STK39: variants seen among roughly 807,000 people sequenced by gnomAD.
STK39 encodes the protein STE20/SPS1-related proline-alanine-rich protein kinase.
STK39 carries 20 observed loss-of-function variants against 77.8 expected under a neutral mutation model. The ratio of observed to expected loss-of-function variants is 0.26; its 90% CI spans 0.18 to 0.37. The LOEUF (loss-of-function observed/expected upper bound fraction) is 0.37. STK39 is among the 10% of genes least tolerant of loss of function. The pLI is 1.00. For synonymous variants in STK39, 246 were observed against 234.1 expected, an observed-to-expected ratio of 1.05 and a Z score of -0.47; for missense variants, 479 against 656.5, an observed-to-expected ratio of 0.73 and a Z score of 2.95.
At chr2:167,965,188 CT>C (rs1692121007) in intron 16 of STK39, among the ~76,000 whole-genome samples, 1 of 152,116 alleles carries the variant, frequency 6.6e-6, no homozygotes, top group African/African-American at 2.4e-5. Context: ...ATTTGAACCC[CT>C]GTCCTATAAA....
intron 15 of STK39, among the ~76,000 whole-genome samples, chr2:168,015,634 A>G (rs557925034): frequency 1.3e-5 from 2 of 152,334 alleles, no homozygotes; most frequent in Admixed American, 1.3e-4. Context: ...CTTCTTTGTT[A>G]CCTCTTAAAA....
intron 5 of STK39, among the ~76,000 whole-genome samples, chr2:168,156,799 T>A (rs1475990716): frequency 6.6e-6 from 1 of 152,238 alleles, no homozygotes; most frequent in Non-Finnish European, 1.5e-5. Flanking sequence ...AAGGTGCTCA[T>A]AAATGTGATG....
chr2:168,008,866 T>C (rs923676057), intron 16 of STK39, among the ~76,000 whole-genome samples: 3 of 152,066 alleles, frequency 2.0e-5, no homozygotes, highest in Admixed American at 6.5e-5. Context: ...ATACTGCCAA[T>C]AGGTCAAGCA....
chr2:168,046,626 A>G (rs1168868293), intron 14 of STK39, among the ~76,000 whole-genome samples: 2 of 152,226 alleles, frequency 1.3e-5, no homozygotes, highest in African/African-American at 2.4e-5. Flanking sequence ...GAGTCCCACA[A>G]GGGTCACTAC....
intron 14 of STK39, among the ~76,000 whole-genome samples, chr2:168,030,615 T>C (rs1043025611): frequency 6.6e-6 from 1 of 152,136 alleles, no homozygotes; most frequent in Non-Finnish European, 1.5e-5. Context: ...AGGGTAGAAA[T>C]GTAAGCAGAA....
chr2:168,213,187 G>A lies in STK39; in HGVS notation c.209-31097C>T, dbSNP rs77439833. 5.2e-4 allele frequency among the ~76,000 whole-genome samples: 79 copies of A among 152,324 alleles called. No individual in the cohort carries two copies. The East Asian group carries it at 0.013, about 26-fold the overall frequency. On this transcript the variant is annotated intron_variant, in intron 1 of 17. Coordinates refer to ENST00000355999, the MANE Select transcript of STK39 (RefSeq NM_013233.3). The stretch of plus-strand genomic sequence containing the variant: ...AGGTAGATAGATGGATTAATCATAA[G>A]AACATAGCGCTGAATTTAGAAAGTG...
intron 16 of STK39, among the ~76,000 whole-genome samples, chr2:167,977,587 A>AC (rs1295457595): frequency 6.6e-6 from 1 of 152,110 alleles, no homozygotes; most frequent in African/African-American, 2.4e-5. Flanking sequence ...AAAAAAAAAA[A>AC]AACAAAGGGG....
chr2:168,234,651 C>A (rs188807394), intron 1 of STK39, among the ~76,000 whole-genome samples: 8 of 152,282 alleles, frequency 5.3e-5, no homozygotes, highest in Non-Finnish European at 1.0e-4. Context: ...AAAACATAAT[C>A]TACTGTAATA....
chr2:168,160,763 T>C (rs1688549106), intron 5 of STK39, among the ~76,000 whole-genome samples: 1 of 152,124 alleles, frequency 6.6e-6, no homozygotes, highest in South Asian at 2.1e-4. Context: ...TTTGAAATCT[T>C]TGCCCACAGA....
rs148094720 is a variant in STK39 at position 168,225,785 on chromosome 2, T to C, written c.208+21443A>G. 2.1e-4 allele frequency among the ~76,000 whole-genome samples: 32 copies of C among 152,324 alleles called. No homozygotes were observed. The East Asian group carries it at 6.2e-3, about 29-fold the overall frequency. ...CCAGTTACTTACCTAAGAGCAGTAT[T>C]ACATAAAACACTCACTAGTGGTGCC... On this transcript the variant is annotated intron_variant, in intron 1 of 17. Coordinates refer to ENST00000355999, the MANE Select transcript of STK39 (RefSeq NM_013233.3).
intron 10 of STK39, among the ~76,000 whole-genome samples, chr2:168,079,944 A>C (rs1686183968): frequency 6.6e-6 from 1 of 152,186 alleles, no homozygotes; most frequent in South Asian, 2.1e-4. Context: ...GCCCAAGCTC[A>C]TACAGCTGGG....
intron 14 of STK39, among the ~76,000 whole-genome samples, chr2:168,025,523 A>C (rs1436278810): frequency 1.3e-5 from 2 of 152,188 alleles, no homozygotes; most frequent in African/African-American, 2.4e-5. Flanking sequence ...ATGACTGAAT[A>C]AGTAAAGAGT....
At position 167,955,585 on chromosome 2, in the gene STK39, A is replaced by G. The variant is rs1266749737; in HGVS notation, c.1564-15T>C. On this transcript the variant is annotated splice_polypyrimidine_tract_variant and intron_variant, in intron 17 of 17. Coordinates refer to ENST00000355999, the MANE Select transcript of STK39 (RefSeq NM_013233.3). The stretch of plus-strand genomic sequence containing the variant: ...CAGCCAGAAGCCTGAAAAGGGAAAA[A>G]GAAAGCCTCAATGCTGGTTTGCTGC... 6.2e-7 allele frequency: 1 copy of G among 1,611,804 alleles called. No homozygotes were observed. Among genetic ancestry groups the G allele is most frequent in the African/African-American group, 1.3e-5 (1 of 75,036 alleles).
chr2:168,167,224 G>C, intron 3 of STK39, 75 bp downstream of exon 3: 5 of 1,243,626 alleles, frequency 4.0e-6, no homozygotes, highest in Non-Finnish European at 5.8e-6. Context: ...TCAATCTAAA[G>C]TCTTCTCCAA....
intron 5 of STK39, among the ~76,000 whole-genome samples, chr2:168,158,895 T>A (rs896317159): frequency 5.3e-5 from 8 of 152,206 alleles, no homozygotes; most frequent in African/African-American, 1.9e-4. Context: ...CCCAGAGAAT[T>A]TGGACTGTGT....
intron 12 of STK39, among the ~76,000 whole-genome samples, chr2:168,072,359 C>T (rs1446497323): frequency 6.6e-6 from 1 of 152,130 alleles, no homozygotes; most frequent in African/African-American, 2.4e-5. Context: ...TGTCATTCTC[C>T]TATGTTTTTC....
rs1691735400 is a variant in STK39, at chr2:167,955,390, A to G, written c.*106T>C. 30 of 1,068,200 alleles carry G rather than the reference A, an allele frequency of 2.8e-5. No homozygotes were observed. The highest frequency in any genetic ancestry group is 4.1e-5 in the Non-Finnish European group (30 of 732,142). The allele number at this position is 1,068,200 out of a possible 1,614,324, so 66.2% of individuals were successfully genotyped here. A position where few individuals can be genotyped will look rare whatever the true frequency, so the allele number is the denominator to read the frequency against. ...TCACAATCTTCTGATTTTGCTAGGAAATGGGAGTGAGGGGGTGGGAGGAAA... is the reference window on the plus strand; with the variant it reads ...TCACAATCTTCTGATTTTGCTAGGAGATGGGAGTGAGGGGGTGGGAGGAAA... On this transcript the variant is annotated 3_prime_UTR_variant, in exon 18 of 18. Coordinates refer to ENST00000355999, the MANE Select transcript of STK39 (RefSeq NM_013233.3).
chr2:168,147,310 C>A (rs529580461), intron 5 of STK39, among the ~76,000 whole-genome samples: 1 of 152,286 alleles, frequency 6.6e-6, no homozygotes, highest in Admixed American at 6.5e-5. Flanking sequence ...TCTAAACACC[C>A]GGGAACATTT....
intron 8 of STK39, among the ~76,000 whole-genome samples, chr2:168,136,353 G>C (rs1329705454): frequency 7.1e-6 from 1 of 141,602 alleles, no homozygotes; most frequent in African/African-American, 2.7e-5. Context: ...CAGTGACAGA[G>C]CAAGACTCCG....
Sources: allele counts gnomAD v4.1 joint callset (sites outside exome capture counted in the v4.1 genomes callset), GRCh38; gene constraint gnomAD v4.1.1; transcripts MANE v1.5; gene names NCBI Gene and HGNC (gene_info 2026-07-23, HGNC 2026-07-21).